Variants in CAMTA1 observed in about 807,000 individuals in gnomAD.
The protein encoded by CAMTA1 is calmodulin-binding transcription activator 1.
A neutral mutation model predicts 170.9 loss-of-function variants in CAMTA1; 27 were observed. The observed-to-expected ratio is 0.16, with a 90% CI of 0.12 to 0.22. The LOEUF is 0.22. Among genes scored for constraint, CAMTA1 ranks in the 10% least tolerant of loss-of-function variants. The pLI is 1.00. For missense variants in CAMTA1, 1,619 were observed against 2,217.2 expected (o/e 0.73, Z 5.42); for synonymous variants, 833 against 891.5 (o/e 0.93, Z 1.17).
At chr1:7,214,592 T>A (rs905054968) in intron 4 of CAMTA1, among the ~76,000 whole-genome samples, 1 of 152,188 alleles carries the variant, frequency 6.6e-6, no homozygotes, top group Non-Finnish European at 1.5e-5. Context: ...GGTCTTGATC[T>A]CTGGACCTCG....
chr1:7,394,069 A>G (rs1158503412), intron 5 of CAMTA1, among the ~76,000 whole-genome samples: 1 of 152,184 alleles, frequency 6.6e-6, no homozygotes, highest in Non-Finnish European at 1.5e-5. Flanking sequence ...CATTGTGTAT[A>G]TGTACCACAT....
rs548362485 is a variant in CAMTA1 at position 7,685,035 on chromosome 1, A to G, written c.2914+7302A>G. Among the ~76,000 whole-genome samples the G allele has an allele frequency of 6.6e-6, 1 of 151,790 alleles. No individual in the cohort carries two copies. The highest frequency in any genetic ancestry group is 2.4e-5 in the African/African-American group (1 of 41,296). On this transcript the variant is annotated intron_variant, in intron 11 of 22. Coordinates refer to ENST00000303635, the MANE Select transcript of CAMTA1 (RefSeq NM_015215.4). The surrounding 1 kb of genome is among the most constrained non-coding windows in gnomAD (Gnocchi z 5.7). ...TTCACAGGCACCGTCCCGCGGTCAC[A>G]GGTGGCATGTTTTGAGGAGTTCGCA...
At chr1:6,925,563 G>A (rs1682925869) in intron 3 of CAMTA1, among the ~76,000 whole-genome samples, 1 of 152,122 alleles carries the variant, frequency 6.6e-6, no homozygotes, top group Admixed American at 6.5e-5. Flanking sequence ...TGGAGTATGG[G>A]GAGGAGTGCG....
chr1:6,855,253 G>T (rs1411937591), intron 3 of CAMTA1, among the ~76,000 whole-genome samples: 1 of 151,976 alleles, frequency 6.6e-6, no homozygotes, highest in Non-Finnish European at 1.5e-5. Context: ...GAAACCAGTT[G>T]TATTAGTTTG....
chr1:6,785,494 G>C lies in CAMTA1; in HGVS notation c.-37G>C. On this transcript the variant is annotated 5_prime_UTR_variant, in exon 1 of 23. Coordinates refer to ENST00000303635, the MANE Select transcript of CAMTA1 (RefSeq NM_015215.4). ...GGGCCGGCGGCGGCGGCGGTACGAG[G>C]CGCGCGCTCGGGGTCCCGGTCGCGA... The C allele has an allele frequency of 9.8e-7, 1 of 1,024,964 alleles. No homozygotes were observed. The highest frequency in any genetic ancestry group is 1.2e-6 in the Non-Finnish European group (1 of 850,120). The allele number at this position is 1,024,964 out of a possible 1,614,324, so 63.5% of individuals were successfully genotyped here.
chr1:7,730,800 G>T (rs1346483418), intron 11 of CAMTA1, among the ~76,000 whole-genome samples: 4 of 152,110 alleles, frequency 2.6e-5, no homozygotes, highest in African/African-American at 9.7e-5. Flanking sequence ...TTGGGTGGCT[G>T]AGCCAAGATA....
chr1:6,848,199 C>T (rs1659028627), intron 3 of CAMTA1, among the ~76,000 whole-genome samples: 1 of 152,160 alleles, frequency 6.6e-6, no homozygotes, highest in Non-Finnish European at 1.5e-5. Context: ...CTCACTCTGT[C>T]TCCCAGCTTG....
At position 6,918,491 on chromosome 1, in the gene CAMTA1, CCAATTGCATATAAATGTCTCG is replaced by C. The variant is rs1681308477; in HGVS notation, c.234+93282_234+93302del. ...GAATGTTGTCACAGATAAATGTCTCCCAATTGCATATAAATGTCTCGGCTTTACTGTACTATTTGTGCTTGA... is the reference window on the plus strand; with the variant it reads ...GAATGTTGTCACAGATAAATGTCTCCGCTTTACTGTACTATTTGTGCTTGA... On this transcript the variant is annotated intron_variant, in intron 3 of 22. Transcript: ENST00000303635. The surrounding 1 kb of genome is among the most constrained non-coding windows in gnomAD (Gnocchi z 4.0). 6.6e-6 allele frequency among the ~76,000 whole-genome samples: 1 copy of C among 152,152 alleles called. No individual in the cohort carries two copies. Among genetic ancestry groups the C allele is most frequent in the Non-Finnish European group, 1.5e-5 (1 of 68,026 alleles).
Position 6,971,376 on chromosome 1 carries a change from T to A in CAMTA1, c.235-119928T>A, listed in dbSNP as rs1692511879. Among the ~76,000 whole-genome samples the A allele has an allele frequency of 6.6e-6, 1 of 152,220 alleles. No individual in the cohort carries two copies. Among genetic ancestry groups the A allele is most frequent in the Non-Finnish European group, 1.5e-5 (1 of 68,036 alleles). ...GACGATCGGATTGTATCCGTGTCAT[T>A]CTGCTGCCACTTTAATGAGGACTGA... On this transcript the variant is annotated intron_variant, in intron 3 of 22. Transcript: ENST00000303635. The surrounding 1 kb of genome is among the most constrained non-coding windows in gnomAD (Gnocchi z 4.6).
chr1:7,765,447 C>T (rs1394116766), intron 22 of CAMTA1, among the ~76,000 whole-genome samples: 3 of 152,164 alleles, frequency 2.0e-5, no homozygotes, highest in East Asian at 1.9e-4. Context: ...CAGTCTATAA[C>T]AATGTTATTT....
chr1:6,891,905 G>A (rs939845638), intron 3 of CAMTA1, among the ~76,000 whole-genome samples: 4 of 152,054 alleles, frequency 2.6e-5, no homozygotes, highest in African/African-American at 9.7e-5. Flanking sequence ...GGAGAGCTTC[G>A]TCCCTCCCTT....
intron 5 of CAMTA1, among the ~76,000 whole-genome samples, chr1:7,396,167 G>A (rs753994407): frequency 1.3e-5 from 2 of 152,120 alleles, no homozygotes; most frequent in African/African-American, 2.4e-5. Flanking sequence ...GAGGGAATTC[G>A]TGTTCTATTA....
intron 5 of CAMTA1, among the ~76,000 whole-genome samples, chr1:7,390,900 C>G (rs1353098310): frequency 6.6e-6 from 1 of 152,258 alleles, no homozygotes; most frequent in Non-Finnish European, 1.5e-5. Context: ...CATTTCTACA[C>G]TTTCATGAGA....
At chr1:7,057,594 C>T (rs986277888) in intron 3 of CAMTA1, among the ~76,000 whole-genome samples, 6 of 151,838 alleles carry the variant, frequency 4.0e-5, no homozygotes, top group African/African-American at 1.2e-4. Flanking sequence ...AGTCTGACCC[C>T]GACAGGCTGA....
In CAMTA1 at chr1:7,132,222, G is replaced by A. The variant is rs145718055; in HGVS notation, c.302+40851G>A. Among the ~76,000 whole-genome samples, 18 of 152,328 alleles carry A rather than the reference G, an allele frequency of 1.2e-4. No homozygotes were observed. In the East Asian group the frequency reaches 3.5e-3, roughly 29 times the overall value. ...GATTTTAATTAGGATTGCTTTGAAT[G>A]TATAGGTGAATTTGGGGAGAATTGA... On this transcript the variant is annotated intron_variant, in intron 4 of 22. Transcript: ENST00000303635.
chr1:6,933,874 T>TA (rs1361089107), intron 3 of CAMTA1, among the ~76,000 whole-genome samples: 1 of 152,246 alleles, frequency 6.6e-6, no homozygotes, highest in Non-Finnish European at 1.5e-5. Flanking sequence ...AGTGTGGCTG[T>TA]ATAACAAGTC....
At chr1:6,815,595 A>G (rs745463580) in intron 1 of CAMTA1, among the ~76,000 whole-genome samples, 3 of 152,182 alleles carry the variant, frequency 2.0e-5, no homozygotes, top group South Asian at 2.1e-4. Context: ...ATTCTGGTAT[A>G]GTTTTGTATT....
At chr1:7,058,897 T>A (rs904954519) in intron 3 of CAMTA1, among the ~76,000 whole-genome samples, 41 of 151,250 alleles carry the variant, frequency 2.7e-4, no homozygotes, top group African/African-American at 9.2e-4. Context: ...ACACACACAC[T>A]CTCTCTCTCT....
chr1:7,147,418 C>A (rs571256297), intron 4 of CAMTA1, among the ~76,000 whole-genome samples: 90 of 100,074 alleles, frequency 9.0e-4, no homozygotes, highest in African/African-American at 3.9e-3. Flanking sequence ...AGCGAGACTC[C>A]GTCTCAAAAA....
Sources: allele counts gnomAD v4.1 joint callset (sites outside exome capture counted in the v4.1 genomes callset), GRCh38; gene constraint gnomAD v4.1.1; non-coding constraint Gnocchi (gnomAD v3.1); transcripts MANE v1.5; gene names NCBI Gene and HGNC (gene_info 2026-07-23, HGNC 2026-07-21).